Variants in ARMH3 observed in about 807,000 individuals in gnomAD.
The protein encoded by ARMH3 is armadillo like helical domain containing 3.
Under a neutral mutation model 99.1 loss-of-function variants are expected in ARMH3, and 60 were observed. The ratio of observed to expected loss-of-function variants is 0.61; its 90% CI spans 0.49 to 0.75. The LOEUF (loss-of-function observed/expected upper bound fraction) is 0.75. Ranked by LOEUF, ARMH3 falls within the 30% of genes least tolerant of loss-of-function variation. The pLI is 0.00. For synonymous variants in ARMH3, 285 were observed against 292.8 expected, an observed-to-expected ratio of 0.97 and a Z score of 0.27; for missense variants, 679 against 843.1, an observed-to-expected ratio of 0.81 and a Z score of 2.41.
At chr10:101,960,300 T>C (rs1293974064) in intron 20 of ARMH3, among the ~76,000 whole-genome samples, 4 of 152,198 alleles carry the variant, frequency 2.6e-5, no homozygotes, top group Non-Finnish European at 5.9e-5. Flanking sequence ...ATAGTGCTTT[T>C]CTCCATCATA....
chr10:102,002,156 C>CA, intron 14 of ARMH3, 84 bp from the exon 15 acceptor site: 20 of 1,559,968 alleles, frequency 1.3e-5, no homozygotes, highest in Non-Finnish European at 1.3e-5. Flanking sequence ...TGCCAGCAGG[C>CA]AAAAAAATCA....
intron 8 of ARMH3, among the ~76,000 whole-genome samples, chr10:102,020,128 C>T (rs1427204323): frequency 9.9e-5 from 15 of 151,788 alleles, no homozygotes; most frequent in Admixed American, 9.8e-4. Flanking sequence ...AGTTAAAAAG[C>T]TTTAAAAAAT....
intron 24 of ARMH3, among the ~76,000 whole-genome samples, chr10:101,855,512 C>A (rs1188354770): frequency 1.3e-5 from 2 of 150,748 alleles, no homozygotes; most frequent in African/African-American, 2.4e-5. Flanking sequence ...GAGTTCAAGA[C>A]CAGCCTGGAT....
intron 2 of ARMH3, among the ~76,000 whole-genome samples, chr10:102,039,805 G>A (rs1388597267): frequency 1.3e-5 from 2 of 151,986 alleles, no homozygotes; most frequent in Non-Finnish European, 1.5e-5. Context: ...CAACCTATAA[G>A]GACAACACAA....
intron 1 of ARMH3, among the ~76,000 whole-genome samples, chr10:102,044,224 G>C (rs1194341342): frequency 6.6e-6 from 1 of 151,502 alleles, no homozygotes; most frequent in African/African-American, 2.4e-5. Context: ...CTCCCCAGTA[G>C]CTGAGACACC....
At chr10:102,009,608 G>A in intron 12 of ARMH3, among the ~76,000 whole-genome samples, 159 bp from the exon 13 acceptor site, 1 of 152,224 alleles carries the variant, frequency 6.6e-6, no homozygotes, top group Non-Finnish European at 1.5e-5. Context: ...GTATGCAAAA[G>A]TGTATAGGCA....
intron 23 of ARMH3, among the ~76,000 whole-genome samples, chr10:101,932,519 C>G (rs2135675547): frequency 6.6e-6 from 1 of 152,306 alleles, no homozygotes; most frequent in South Asian, 2.1e-4. Context: ...ACCCAAGTGT[C>G]CGTTGACACG....
intron 24 of ARMH3, among the ~76,000 whole-genome samples, chr10:101,875,094 G>A (rs1309302622): frequency 6.6e-6 from 1 of 152,092 alleles, no homozygotes; most frequent in Non-Finnish European, 1.5e-5. Context: ...ATTAAGCCAG[G>A]GCAACCCTTC....
chr10:101,935,909 C>T (rs1346418188), intron 23 of ARMH3, among the ~76,000 whole-genome samples: 1 of 152,190 alleles, frequency 6.6e-6, no homozygotes, highest in Non-Finnish European at 1.5e-5. Flanking sequence ...TCCTGGATAA[C>T]CACAGGTCAG....
At chr10:101,982,208 C>T (rs1846266587) in intron 19 of ARMH3, among the ~76,000 whole-genome samples, 1 of 150,876 alleles carries the variant, frequency 6.6e-6, no homozygotes, top group Non-Finnish European at 1.5e-5. Context: ...TGGTGAAATG[C>T]CATCTCTACC....
At chr10:102,003,056 T>C (rs1590166836) in intron 14 of ARMH3, among the ~76,000 whole-genome samples, 1 of 152,102 alleles carries the variant, frequency 6.6e-6, no homozygotes, top group African/African-American at 2.4e-5. Context: ...TTTACATACC[T>C]AGCTGATGTT....
intron 23 of ARMH3, among the ~76,000 whole-genome samples, chr10:101,917,615 G>C (rs545166026): frequency 6.6e-6 from 1 of 152,142 alleles, no homozygotes; most frequent in Non-Finnish European, 1.5e-5. Context: ...TGGACTGCTG[G>C]AAGGTCTACT....
intron 9 of ARMH3, among the ~76,000 whole-genome samples, chr10:102,013,679 T>A (rs1176356543): frequency 6.6e-6 from 1 of 152,210 alleles, no homozygotes; most frequent in Non-Finnish European, 1.5e-5. Context: ...GAATGTGTAA[T>A]TTATTGACAT....
intron 23 of ARMH3, among the ~76,000 whole-genome samples, chr10:101,934,154 T>C (rs1393880209): frequency 2.0e-5 from 3 of 152,178 alleles, no homozygotes; most frequent in Non-Finnish European, 2.9e-5. Context: ...AATAACCCCA[T>C]TATCTCAGAG....
intron 20 of ARMH3, among the ~76,000 whole-genome samples, chr10:101,971,246 T>G (rs1038383640): frequency 1.1e-4 from 16 of 151,846 alleles, no homozygotes; most frequent in African/African-American, 3.9e-4. Flanking sequence ...ATTGCTAACC[T>G]AAAGTTCCCA....
At chr10:102,033,223 G>T in intron 3 of ARMH3, 51 bp from the exon 4 acceptor site, 1 of 1,613,472 alleles carries the variant, frequency 6.2e-7, no homozygotes, top group Middle Eastern at 1.7e-4. Flanking sequence ...TTAGCGCCTA[G>T]AATATATGAG....
intron 20 of ARMH3, among the ~76,000 whole-genome samples, chr10:101,963,668 C>T (rs1343723188): frequency 3.3e-5 from 5 of 151,860 alleles, no homozygotes; most frequent in African/African-American, 9.7e-5. Flanking sequence ...GGCACGATCT[C>T]GGCTCTCCGC....
chr10:101,952,294 A>G (rs1382690535), intron 22 of ARMH3, among the ~76,000 whole-genome samples: 1 of 152,184 alleles, frequency 6.6e-6, no homozygotes, highest in Non-Finnish European at 1.5e-5. Flanking sequence ...TCTATAATCC[A>G]CAATCCAAGT....
chr10:101,849,825 T>C lies in ARMH3; in HGVS notation c.1928A>G (p.Tyr643Cys). 6.2e-7 allele frequency: 1 copy of C among 1,614,222 alleles called. No homozygotes were observed. The highest frequency in any genetic ancestry group is 2.2e-5 in the East Asian group (1 of 44,876). Residue 643 changes from tyrosine (Y) to cysteine (C), a missense_variant, in exon 25 of 26, where the codon TAT becomes TGT. Physicochemically the swap from Tyr to Cys is radical, Grantham distance 194. Coordinates refer to ENST00000370033, the MANE Select transcript of ARMH3 (RefSeq NM_024541.3). ...CTTGTGCTGCTCTGAGTAGCGCTCA[T>C]ACTGGTCCAGGCCATCCTGCAGCTT... ...TLKLQDGLDQYERYSEQHKEA... is the reference protein window; with the variant it reads ...TLKLQDGLDQCERYSEQHKEA...
Sources: allele counts gnomAD v4.1 joint callset (sites outside exome capture counted in the v4.1 genomes callset), GRCh38; gene constraint gnomAD v4.1.1; transcripts MANE v1.5; gene names NCBI Gene and HGNC (gene_info 2026-07-23, HGNC 2026-07-21).